EPC2: variants seen among roughly 807,000 people sequenced by gnomAD.
The protein encoded by EPC2 is enhancer of polycomb homolog 2.
A neutral mutation model predicts 92.1 loss-of-function variants in EPC2; 14 were observed. That is an observed-to-expected ratio of 0.15 (90% confidence interval 0.10 to 0.24). The LOEUF (loss-of-function observed/expected upper bound fraction) is 0.24, where lower values mean the gene tolerates loss of function less well. Among genes scored for constraint, EPC2 ranks in the 10% least tolerant of loss-of-function variants. The pLI is 1.00. For missense variants in EPC2, 755 were observed against 971.5 expected (o/e 0.78, Z 2.96); for synonymous variants, 340 against 334.7 (o/e 1.02, Z -0.17).
At chr2:148,700,115 TTAGATACGTG>T (rs1444275409) in intron 2 of EPC2, among the ~76,000 whole-genome samples, 4 of 152,208 alleles carry the variant, frequency 2.6e-5, no homozygotes, top group Admixed American at 6.5e-5. Context: ...TTTATATATT[TTAGATACGTG>T]TCCTGTAGAG....
chr2:148,680,066 C>T (rs145554120), intron 1 of EPC2, among the ~76,000 whole-genome samples: 1 of 149,906 alleles, frequency 6.7e-6, no homozygotes, highest in African/African-American at 2.4e-5. Context: ...CTGCCTGGCA[C>T]TGGAAGCCCT....
At chr2:148,647,422 C>T (rs1683825607) in intron 1 of EPC2, among the ~76,000 whole-genome samples, 1 of 151,852 alleles carries the variant, frequency 6.6e-6, no homozygotes, top group African/African-American at 2.4e-5. Flanking sequence ...ATTTTCCTGC[C>T]TCAGCCTCCC....
At chr2:148,663,193 T>TTTTA (rs1559140910) in intron 1 of EPC2, among the ~76,000 whole-genome samples, 66 of 98,644 alleles carry the variant, frequency 6.7e-4, no homozygotes, top group Non-Finnish European at 1.0e-3. Flanking sequence ...ACTGTGTTTT[T>TTTTA]GTATTATTAT....
intron 1 of EPC2, among the ~76,000 whole-genome samples, chr2:148,679,740 C>T (rs897640203): frequency 1.4e-4 from 22 of 152,094 alleles, no homozygotes; most frequent in South Asian, 4.1e-4. Context: ...CCCATTCCTG[C>T]GCTCAAGTGA....
intron 2 of EPC2, among the ~76,000 whole-genome samples, chr2:148,716,686 G>A (rs752152289): frequency 6.6e-6 from 1 of 152,124 alleles, no homozygotes; most frequent in Non-Finnish European, 1.5e-5. Context: ...CACCAAAGAT[G>A]TTGGCCTGAA....
chr2:148,760,397 T>A (rs1374459586), intron 4 of EPC2, among the ~76,000 whole-genome samples: 3 of 152,212 alleles, frequency 2.0e-5, no homozygotes, highest in Non-Finnish European at 4.4e-5. Flanking sequence ...AGCTGCCAGC[T>A]GGCATGTAAC....
At chr2:148,696,996 C>T (rs1681760728) in intron 2 of EPC2, among the ~76,000 whole-genome samples, 1 of 152,222 alleles carries the variant, frequency 6.6e-6, no homozygotes, top group Non-Finnish European at 1.5e-5. Flanking sequence ...TTACTGACCT[C>T]TGTATTTACA....
intron 2 of EPC2, among the ~76,000 whole-genome samples, chr2:148,738,462 G>A (rs573871132): frequency 1.1e-4 from 16 of 152,334 alleles, no homozygotes; most frequent in African/African-American, 3.6e-4. Flanking sequence ...AAAAATTATA[G>A]TGTGGTTTTT....
At chr2:148,749,791 T>C (rs1026610002) in intron 3 of EPC2, among the ~76,000 whole-genome samples, 1 of 152,114 alleles carries the variant, frequency 6.6e-6, no homozygotes, top group Non-Finnish European at 1.5e-5. Context: ...AAAACCACCA[T>C]ACCATGCTGT....
chr2:148,696,582 T>A (rs150428235), intron 2 of EPC2, among the ~76,000 whole-genome samples: 15 of 152,222 alleles, frequency 9.9e-5, no homozygotes, highest in African/African-American at 3.6e-4. Context: ...GATTACAAAA[T>A]ATAAAAGCAG....
chr2:148,676,520 G>A (rs1180292509), intron 1 of EPC2, among the ~76,000 whole-genome samples: 2 of 151,830 alleles, frequency 1.3e-5, no homozygotes, highest in Non-Finnish European at 2.9e-5. Context: ...AGGGCACACA[G>A]AAAAAAATAA....
intron 1 of EPC2, among the ~76,000 whole-genome samples, chr2:148,685,784 A>T (rs1434335227): frequency 6.6e-6 from 1 of 152,234 alleles, no homozygotes; most frequent in Non-Finnish European, 1.5e-5. Flanking sequence ...AAAAATAAAA[A>T]AATAAAAGTT....
chr2:148,656,384 A>G, intron 1 of EPC2, among the ~76,000 whole-genome samples: 1 of 147,308 alleles, frequency 6.8e-6, no homozygotes, highest in East Asian at 2.3e-4. Context: ...TTATACCAAA[A>G]AAGTCAGATT....
intron 11 of EPC2, among the ~76,000 whole-genome samples, chr2:148,782,713 A>T (rs562482449): frequency 1.1e-4 from 17 of 151,748 alleles, no homozygotes; most frequent in Non-Finnish European, 2.9e-5. Context: ...TTTTAACCCC[A>T]TAAGCTTCAT....
chr2:148,768,813 CTG>C (rs1165263018), intron 7 of EPC2, among the ~76,000 whole-genome samples: 4 of 152,084 alleles, frequency 2.6e-5, no homozygotes, highest in East Asian at 1.9e-4. Flanking sequence ...AAATATTTAA[CTG>C]TCATTAAATA....
intron 2 of EPC2, among the ~76,000 whole-genome samples, chr2:148,698,914 A>T (rs1211155640): frequency 6.6e-6 from 1 of 150,806 alleles, no homozygotes. Flanking sequence ...ACTGTCATAG[A>T]GTAAGCATTT....
chr2:148,729,005 C>G (rs1682561137), intron 2 of EPC2, among the ~76,000 whole-genome samples: 1 of 118,886 alleles, frequency 8.4e-6, no homozygotes, highest in South Asian at 2.7e-4. Context: ...GTACTCCAGC[C>G]TGGGCGACAG....
chr2:148,723,990 G>A (rs914249203), intron 2 of EPC2, among the ~76,000 whole-genome samples: 1 of 151,916 alleles, frequency 6.6e-6, no homozygotes, highest in Non-Finnish European at 1.5e-5. Flanking sequence ...TTGACAGAAT[G>A]GACTTTAATT....
chr2:148,750,791 C>G (rs537704019), intron 3 of EPC2, among the ~76,000 whole-genome samples: 1 of 152,110 alleles, frequency 6.6e-6, no homozygotes, highest in South Asian at 2.1e-4. Flanking sequence ...AATGTAAATG[C>G]TTGTTATTTG....
Sources: gnomAD v4.1 joint callset for allele counts (sites outside exome capture counted in the v4.1 genomes callset) on GRCh38, gnomAD v4.1.1 for gene constraint, MANE v1.5 for transcripts, NCBI Gene and HGNC (gene_info 2026-07-23, HGNC 2026-07-21) for gene names.